Variants in NCKAP5 observed in about 807,000 individuals in gnomAD.
NCKAP5 encodes the protein NCK associated protein 5, also known as nck-associated protein 5.
In NCKAP5, 92 loss-of-function variants were observed where a neutral mutation model predicts 167.0. The ratio of observed to expected loss-of-function variants is 0.55; its 90% CI spans 0.47 to 0.66. NCKAP5 has a LOEUF of 0.66. NCKAP5 is among the 30% of genes least tolerant of loss of function. The probability of loss-of-function intolerance (pLI) is 0.00; values close to 1 mark genes in which losing one functional copy is unlikely to be tolerated. For missense variants in NCKAP5, 2,378 were observed against 2,315.0 expected (o/e 1.03, Z -0.56); for synonymous variants, 891 against 877.4 (o/e 1.02, Z -0.27).
chr2:133,209,563 G>T (rs531381433), intron 5 of NCKAP5, among the ~76,000 whole-genome samples: 1 of 151,440 alleles, frequency 6.6e-6, no homozygotes, highest in African/African-American at 2.4e-5. Context: ...TTTCAAGCTC[G>T]CATTACTTCT....
At chr2:133,619,141 T>C in the NCKAP5 span, among the ~76,000 whole-genome samples, 1 of 110,760 alleles carries the variant, frequency 9.0e-6, no homozygotes, top group Non-Finnish European at 1.8e-5. Context: ...AACATCACAC[T>C]CTGGGGACTG....
At position 133,210,119 on chromosome 2, in the gene NCKAP5, C is replaced by T. The variant is rs549069098; in HGVS notation, c.207+3597G>A. 1.8e-4 allele frequency among the ~76,000 whole-genome samples: 27 copies of T among 150,114 alleles called. No individual in the cohort carries two copies. The South Asian group carries it at 4.6e-3, about 25-fold the overall frequency. ...GGCAGAGGTCGCAGTGAGCCGAGACCGGGCCACTGCACTCTAGTCTGGGCA... is the reference window on the plus strand; with the variant it reads ...GGCAGAGGTCGCAGTGAGCCGAGACTGGGCCACTGCACTCTAGTCTGGGCA... On this transcript the variant is annotated intron_variant, in intron 5 of 19. Coordinates refer to ENST00000409261, the MANE Select transcript of NCKAP5 (RefSeq NM_207363.3).
intron 2 of NCKAP5, among the ~76,000 whole-genome samples, chr2:133,551,956 A>C (rs1687346831): frequency 7.6e-6 from 1 of 131,714 alleles, no homozygotes; most frequent in South Asian, 2.6e-4. Context: ...ACACTTCTCA[A>C]AAGAAGACAT....
intron 5 of NCKAP5, among the ~76,000 whole-genome samples, chr2:133,211,003 C>T (rs540960694): frequency 6.6e-6 from 1 of 150,484 alleles, no homozygotes; most frequent in Non-Finnish European, 1.5e-5. Flanking sequence ...CCCTACCCCC[C>T]CAACCCCATC....
At chr2:132,781,914 T>A in intron 14 of NCKAP5, 26 bp downstream of exon 14, 1 of 1,589,004 alleles carries the variant, frequency 6.3e-7, no homozygotes, top group Admixed American at 1.7e-5. Flanking sequence ...CCCTCTACAT[T>A]GCTACCTGCT....
chr2:133,250,001 A>T (rs187286827), intron 4 of NCKAP5, among the ~76,000 whole-genome samples: 1 of 143,184 alleles, frequency 7.0e-6, no homozygotes, highest in Non-Finnish European at 1.5e-5. Flanking sequence ...CAAGGGTTTT[A>T]TTATTATTAT....
intron 7 of NCKAP5, among the ~76,000 whole-genome samples, chr2:132,968,625 C>T (rs889435269): frequency 6.6e-6 from 1 of 152,002 alleles, no homozygotes; most frequent in Non-Finnish European, 1.5e-5. Context: ...GCAGAAATGA[C>T]AAGAGAACAG....
chr2:133,435,039 A>C (rs957885512), intron 3 of NCKAP5, among the ~76,000 whole-genome samples: 1 of 152,224 alleles, frequency 6.6e-6, no homozygotes, highest in African/African-American at 2.4e-5. Flanking sequence ...TTCCTTGGCA[A>C]AGCCCTGGCC....
chr2:133,498,439 G>GAAGGAAGGAAGGAAGGAAGA (rs1682144482), intron 3 of NCKAP5, among the ~76,000 whole-genome samples: 2 of 104,588 alleles, frequency 1.9e-5, no homozygotes, highest in South Asian at 8.0e-4. Context: ...AAAACGGAAG[G>GAAGGAAGGAAGGAAGGAAGA]AAGGAAGGAA....
chr2:133,625,992 A>T, the NCKAP5 span, among the ~76,000 whole-genome samples: 1 of 152,206 alleles, frequency 6.6e-6, no homozygotes, highest in Admixed American at 6.5e-5. Context: ...ATTGGGGGAC[A>T]CTAATAGACT....
At chr2:133,009,214 T>A (rs2078069885) in intron 6 of NCKAP5, among the ~76,000 whole-genome samples, 1 of 152,186 alleles carries the variant, frequency 6.6e-6, no homozygotes, top group Admixed American at 6.5e-5. Flanking sequence ...GAAACTCCAT[T>A]CTAATGTTCT....
intron 16 of NCKAP5, among the ~76,000 whole-genome samples, chr2:132,749,241 G>A (rs1270589538): frequency 1.3e-5 from 2 of 150,950 alleles, no homozygotes; most frequent in African/African-American, 4.9e-5. Flanking sequence ...TTGCTCTGTT[G>A]CCCAGGCTGG....
chr2:133,282,485 A>G (rs1223490809), intron 4 of NCKAP5, among the ~76,000 whole-genome samples: 1 of 152,194 alleles, frequency 6.6e-6, no homozygotes, highest in Middle Eastern at 3.2e-3. Context: ...CAGAGCAATG[A>G]TTTATTTTTA....
chr2:133,307,150 TA>T (rs1680837150), intron 3 of NCKAP5, among the ~76,000 whole-genome samples: 1 of 152,232 alleles, frequency 6.6e-6, no homozygotes, highest in Admixed American at 6.5e-5. Flanking sequence ...CTGTTAGAAT[TA>T]CGAAACCCAC....
In NCKAP5 at chr2:133,389,496, G is replaced by A. The variant is rs539533896; in HGVS notation, c.70-86386C>T. ...ACTGTTAGCAACAGAACAAACCAGG[G>A]AAAAGTTCCTAACGTTTTGGTATGT... On this transcript the variant is annotated intron_variant, in intron 3 of 19. Transcript: ENST00000409261. Among the ~76,000 whole-genome samples, 148 of 152,290 alleles carry A rather than the reference G, an allele frequency of 9.7e-4. No individual in the cohort carries two copies. The South Asian group carries it at 0.01, about 11-fold the overall frequency.
chr2:133,100,717 T>C (rs993011639), intron 6 of NCKAP5, among the ~76,000 whole-genome samples: 4 of 152,220 alleles, frequency 2.6e-5, no homozygotes, highest in African/African-American at 9.6e-5. Context: ...TTAGGAGTAA[T>C]ACTTTTCATT....
rs1426670461 is a variant in NCKAP5 at position 133,557,568 on chromosome 2, GA to G, written c.-62+1481del. 3.3e-5 allele frequency among the ~76,000 whole-genome samples: 5 copies of G among 152,194 alleles called. 1 individual carries two copies. The highest frequency in any genetic ancestry group is 4.1e-4 in the South Asian group (2 of 4,832). ...GAGGAACTATCTCTACAAAATTGAA[GA>G]CATGTCAGTCCCTTATAAGATCATA... is the stretch of plus-strand genomic sequence containing the variant. On this transcript the variant is annotated intron_variant, in intron 2 of 19. Coordinates refer to ENST00000409261, the MANE Select transcript of NCKAP5 (RefSeq NM_207363.3).
At chr2:133,132,945 G>A (rs892977589) in intron 5 of NCKAP5, among the ~76,000 whole-genome samples, 3 of 151,924 alleles carry the variant, frequency 2.0e-5, no homozygotes, top group Non-Finnish European at 4.4e-5. Context: ...CAAAGTGCTG[G>A]GATTATAGGC....
chr2:133,234,614 C>T (rs1008189357), intron 4 of NCKAP5, among the ~76,000 whole-genome samples: 9 of 152,164 alleles, frequency 5.9e-5, no homozygotes, highest in Admixed American at 2.6e-4. Context: ...TAAAACTGTT[C>T]GCAGATTTTC....
Sources: gnomAD v4.1 joint callset for allele counts (sites outside exome capture counted in the v4.1 genomes callset) on GRCh38, gnomAD v4.1.1 for gene constraint, MANE v1.5 for transcripts, NCBI Gene and HGNC (gene_info 2026-07-23, HGNC 2026-07-21) for gene names.